FBXL7: variants seen among roughly 807,000 people sequenced by gnomAD.
The protein encoded by FBXL7 is F-box and leucine rich repeat protein 7, also known as F-box/LRR-repeat protein 7.
FBXL7 carries 12 observed loss-of-function variants against 38.3 expected under a neutral mutation model. The ratio of observed to expected loss-of-function variants is 0.31; its 90% confidence interval spans 0.20 to 0.51. FBXL7 has a LOEUF of 0.51. Among genes scored for constraint, FBXL7 ranks in the 20% least tolerant of loss-of-function variants. The pLI, the probability that FBXL7 is intolerant of heterozygous loss-of-function variation, is 0.98. For missense variants in FBXL7, 567 were observed against 676.4 expected, an observed-to-expected ratio of 0.84 and a Z score of 1.79; for synonymous variants, 297 against 300.9, an observed-to-expected ratio of 0.99 and a Z score of 0.13.
rs1311258556 is a variant in FBXL7 at position 15,928,536 on chromosome 5, C to T, written c.739+35C>T. 1.9e-6 allele frequency: 3 copies of T among 1,577,028 alleles called. No individual in the cohort carries two copies. Among genetic ancestry groups the T allele is most frequent in the South Asian group, 2.4e-5 (2 of 84,854 alleles). On this transcript the variant is annotated intron_variant, in intron 3 of 3. Transcript: ENST00000504595. This position sits in a 1 kb window ranked among gnomAD's most constrained non-coding sequence, Gnocchi z 4.0. Reference sequence around the variant, plus strand: ...CACTGACCTACCAGCTATGGGCCCTCCTGGTGCACCATCCTAAAACAGTGG... The same window carrying T: ...CACTGACCTACCAGCTATGGGCCCTTCTGGTGCACCATCCTAAAACAGTGG...
At chr5:15,605,767 T>A (rs374385532) in intron 1 of FBXL7, among the ~76,000 whole-genome samples, 1 of 152,142 alleles carries the variant, frequency 6.6e-6, no homozygotes, top group South Asian at 2.1e-4. Flanking sequence ...TTTAAAAAAA[T>A]TAAAAATAGC....
chr5:15,629,626 A>C (rs548353701), intron 2 of FBXL7, among the ~76,000 whole-genome samples: 13 of 152,240 alleles, frequency 8.5e-5, no homozygotes, highest in African/African-American at 3.1e-4. Context: ...CCTGCATGAG[A>C]GTTTTGTGTA....
At chr5:15,782,753 C>T (rs572038487) in intron 2 of FBXL7, among the ~76,000 whole-genome samples, 202 of 151,996 alleles carry the variant, frequency 1.3e-3, no homozygotes, top group African/African-American at 4.7e-3. Flanking sequence ...AATCCACAGC[C>T]CAAGTGAAGG....
At chr5:15,742,980 C>A (rs560590091) in intron 2 of FBXL7, among the ~76,000 whole-genome samples, 21 of 152,262 alleles carry the variant, frequency 1.4e-4, no homozygotes, top group African/African-American at 4.8e-4. Context: ...CATGGAACAC[C>A]ATGGAAGTAA....
chr5:15,789,700 C>A (rs1372550994), intron 2 of FBXL7, among the ~76,000 whole-genome samples: 1 of 152,224 alleles, frequency 6.6e-6, no homozygotes, highest in Non-Finnish European at 1.5e-5. Context: ...TCCTTTGGTT[C>A]CAATCTTCTT....
At chr5:15,725,175 T>C (rs13170407) in intron 2 of FBXL7, among the ~76,000 whole-genome samples, 82,833 of 151,946 alleles carry the variant, frequency 0.55, 22,708 homozygotes, top group East Asian at 0.68. Context: ...TTCTGTTAGC[T>C]TTGCATTTAG....
chr5:15,937,312 A>G lies in FBXL7; in HGVS notation c.*126A>G. 1 of 1,201,434 alleles carries G rather than the reference A, an allele frequency of 8.3e-7. No homozygotes were observed. The highest frequency in any genetic ancestry group is 1.1e-6 in the Non-Finnish European group (1 of 890,496). 74.4% of individuals were successfully genotyped at this position (1,201,434 alleles called of 1,614,324 possible). On this transcript the variant is annotated 3_prime_UTR_variant, in exon 4 of 4. Transcript: ENST00000504595. ...CTTTCTTCCGGGAAGGTTATTAGGA[A>G]TCTGGCCTTTATTTTTCCTCATTTC...
chr5:15,505,609 A>G (rs749921807), intron 1 of FBXL7, among the ~76,000 whole-genome samples: 1 of 152,200 alleles, frequency 6.6e-6, no homozygotes, highest in Admixed American at 6.5e-5. Flanking sequence ...GTGGTACACT[A>G]TAAGGGGCTA....
intron 1 of FBXL7, among the ~76,000 whole-genome samples, chr5:15,527,920 A>G (rs1490648293): frequency 1.3e-5 from 2 of 152,326 alleles, no homozygotes; most frequent in Middle Eastern, 3.4e-3. Flanking sequence ...TAAGGGTGGA[A>G]TGTTTTTTAA....
At chr5:15,622,912 C>T (rs1740701349) in intron 2 of FBXL7, among the ~76,000 whole-genome samples, 1 of 151,838 alleles carries the variant, frequency 6.6e-6, no homozygotes, top group Non-Finnish European at 1.5e-5. Context: ...GCCATGTTGG[C>T]CAGGCTGGTC....
At chr5:15,733,090 T>C (rs949837647) in intron 2 of FBXL7, among the ~76,000 whole-genome samples, 2 of 148,152 alleles carry the variant, frequency 1.3e-5, no homozygotes, top group African/African-American at 5.0e-5. Context: ...TCATGTTTTT[T>C]GTTTCTTTCT....
At chr5:15,931,779 A>G (rs1400632824) in intron 3 of FBXL7, among the ~76,000 whole-genome samples, 1 of 152,132 alleles carries the variant, frequency 6.6e-6, no homozygotes. Flanking sequence ...TGATGTGTGC[A>G]TGCCTCTCTG....
chr5:15,770,057 A>G lies in FBXL7; in HGVS notation c.127+153985A>G, dbSNP rs114403601. ...ATTGACTTTTGATTATAATTTAATG[A>G]TCCATATGGAATCACAGACTATTAA... On this transcript the variant is annotated intron_variant, in intron 2 of 3. Transcript: ENST00000504595. Among the ~76,000 whole-genome samples, 973 of 152,276 alleles carry G rather than the reference A, an allele frequency of 6.4e-3. 11 individuals are homozygous for G. Among genetic ancestry groups the G allele is most frequent in the African/African-American group, 0.022 (894 of 41,536 alleles).
At chr5:15,802,787 G>T (rs1737605557) in intron 2 of FBXL7, among the ~76,000 whole-genome samples, 1 of 151,964 alleles carries the variant, frequency 6.6e-6, no homozygotes, top group Admixed American at 6.6e-5. Flanking sequence ...CCAAGTAGCT[G>T]GGATTACAGG....
chr5:15,523,666 C>T (rs1737167881), intron 1 of FBXL7, among the ~76,000 whole-genome samples: 1 of 152,138 alleles, frequency 6.6e-6, no homozygotes, highest in African/African-American at 2.4e-5. Context: ...GTCTTCTTGG[C>T]CTGTTACCGT....
intron 2 of FBXL7, among the ~76,000 whole-genome samples, chr5:15,645,631 C>T (rs1741505224): frequency 6.6e-6 from 1 of 152,152 alleles, no homozygotes; most frequent in Non-Finnish European, 1.5e-5. Flanking sequence ...TCAACCTAGG[C>T]AAAATAAACT....
At chr5:15,554,302 CTA>C (rs1738169928) in intron 1 of FBXL7, among the ~76,000 whole-genome samples, 1 of 152,100 alleles carries the variant, frequency 6.6e-6, no homozygotes, top group Non-Finnish European at 1.5e-5. Flanking sequence ...CTTCCTCACT[CTA>C]TATCTCCCCA....
intron 2 of FBXL7, among the ~76,000 whole-genome samples, chr5:15,745,004 G>A (rs1735978902): frequency 6.6e-6 from 1 of 152,070 alleles, no homozygotes; most frequent in Non-Finnish European, 1.5e-5. Flanking sequence ...AGGAAACACT[G>A]GGATTATGGA....
chr5:15,919,613 A>C (rs1270709312), intron 2 of FBXL7, among the ~76,000 whole-genome samples: 1 of 152,260 alleles, frequency 6.6e-6, no homozygotes, highest in Non-Finnish European at 1.5e-5. Flanking sequence ...ACAGATGATT[A>C]TATTAACATA....
Sources: allele counts gnomAD v4.1 joint callset (sites outside exome capture counted in the v4.1 genomes callset), GRCh38; gene constraint gnomAD v4.1.1; non-coding constraint Gnocchi (gnomAD v3.1); transcripts MANE v1.5; gene names NCBI Gene and HGNC (gene_info 2026-07-23, HGNC 2026-07-21).